The following CCSER1 variants were observed in gnomAD, a reference collection of about 807,000 sequenced individuals.
The protein encoded by CCSER1 is coiled-coil serine rich protein 1.
CCSER1 carries 41 observed loss-of-function variants against 82.0 expected under a neutral mutation model. The ratio of observed to expected loss-of-function variants is 0.50; its 90% CI spans 0.39 to 0.65. The LOEUF is 0.65. Ranked by LOEUF, CCSER1 falls within the 30% of genes least tolerant of loss-of-function variation. CCSER1 has a pLI of 0.00. For synonymous variants in CCSER1, 414 were observed against 383.9 expected, an observed-to-expected ratio of 1.08 and a Z score of -0.92; for missense variants, 1,119 against 1,064.2, an observed-to-expected ratio of 1.05 and a Z score of -0.72.
intron 5 of CCSER1, among the ~76,000 whole-genome samples, chr4:90,539,286 T>C (rs892137449): frequency 1.3e-5 from 2 of 151,942 alleles, no homozygotes; most frequent in African/African-American, 4.8e-5. Context: ...TGAAAATGTT[T>C]AAGAACCCCT....
chr4:90,301,034 A>G (rs1232622758), intron 1 of CCSER1, among the ~76,000 whole-genome samples: 1 of 151,746 alleles, frequency 6.6e-6, no homozygotes, highest in Non-Finnish European at 1.5e-5. Context: ...GGTTCTCCCT[A>G]TGTTGCTCAG....
chr4:90,749,799 ATATACCCAGTAATGGGATGG>A (rs1748258247), intron 7 of CCSER1, among the ~76,000 whole-genome samples: 1 of 151,910 alleles, frequency 6.6e-6, no homozygotes, highest in African/African-American at 2.4e-5. Context: ...TCCTTTGGGT[ATATACCCAGTAATGGGATGG>A]CTGGGTCAAA....
chr4:91,163,554 G>A (rs1731679433), intron 10 of CCSER1, among the ~76,000 whole-genome samples: 1 of 152,160 alleles, frequency 6.6e-6, no homozygotes, highest in Admixed American at 6.5e-5. Flanking sequence ...CATTATTATT[G>A]TTTGGGAGTC....
At chr4:90,942,258 A>G (rs1731684055) in intron 9 of CCSER1, among the ~76,000 whole-genome samples, 1 of 152,088 alleles carries the variant, frequency 6.6e-6, no homozygotes, top group South Asian at 2.1e-4. Flanking sequence ...CAGCTGGGAA[A>G]TATCCTGTCT....
chr4:90,197,195 G>A (rs2153401689), intron 1 of CCSER1, among the ~76,000 whole-genome samples: 1 of 152,208 alleles, frequency 6.6e-6, no homozygotes, highest in African/African-American at 2.4e-5. Context: ...GGATACAGAT[G>A]ACTAGCCAGA....
At chr4:90,532,778 A>C (rs1200413927) in intron 5 of CCSER1, among the ~76,000 whole-genome samples, 2 of 152,152 alleles carry the variant, frequency 1.3e-5, no homozygotes, top group Admixed American at 1.3e-4. Context: ...ATATTTTTGT[A>C]GCTTTATATC....
chr4:91,093,867 G>C (rs1724228302), intron 10 of CCSER1, among the ~76,000 whole-genome samples: 1 of 152,182 alleles, frequency 6.6e-6, no homozygotes, highest in African/African-American at 2.4e-5. Flanking sequence ...GGTTTGGCTA[G>C]CACTGCAAAG....
chr4:90,813,972 C>T (rs987894774), intron 7 of CCSER1, among the ~76,000 whole-genome samples: 1 of 152,188 alleles, frequency 6.6e-6, no homozygotes, highest in Non-Finnish European at 1.5e-5. Flanking sequence ...CAGAGGTTCT[C>T]CTTAAGGGCT....
intron 3 of CCSER1, among the ~76,000 whole-genome samples, chr4:90,330,249 G>T (rs1221557447): frequency 6.6e-6 from 1 of 152,088 alleles, no homozygotes; most frequent in Non-Finnish European, 1.5e-5. Context: ...AACTATCAGG[G>T]ATTAGAACTA....
chr4:90,551,678 TTCTCTCTC>T (rs71596530), intron 5 of CCSER1, among the ~76,000 whole-genome samples: 2 of 88,570 alleles, frequency 2.3e-5, no homozygotes, highest in African/African-American at 4.8e-5. Flanking sequence ...AAAAATATAA[TTCTCTCTC>T]TCTCTCTCTC....
chr4:90,342,219 G>A (rs1266818083), intron 3 of CCSER1, among the ~76,000 whole-genome samples: 1 of 152,190 alleles, frequency 6.6e-6, no homozygotes, highest in Non-Finnish European at 1.5e-5. Flanking sequence ...GAAAGATAAT[G>A]TTGAACTGAG....
rs1269514794 is a variant in CCSER1 at position 91,013,281 on chromosome 4, A to T, written c.2173-72669A>T. On this transcript the variant is annotated intron_variant, in intron 9 of 10. Coordinates refer to ENST00000509176, the MANE Select transcript of CCSER1 (RefSeq NM_001145065.2). ...ATAAGGGTCCAATTTTTTCTTTTGT[A>T]TGTAAATATTTAGTTTTCCAGACAC... Among the ~76,000 whole-genome samples the T allele has an allele frequency of 3.0e-5, 4 of 133,138 alleles. 1 individual carries two copies. Among genetic ancestry groups the T allele is most frequent in the African/African-American group, 9.9e-5 (4 of 40,250 alleles). The allele number at this position is 133,138 out of a possible 152,430, so 87.3% of individuals were successfully genotyped here.
intron 1 of CCSER1, among the ~76,000 whole-genome samples, chr4:90,286,278 T>A (rs952282810): frequency 1.3e-5 from 2 of 151,974 alleles, no homozygotes; most frequent in Non-Finnish European, 2.9e-5. Context: ...CTTTTTTTCA[T>A]TGGGAGACTT....
chr4:90,408,595 A>G, intron 4 of CCSER1, among the ~76,000 whole-genome samples: 1 of 152,222 alleles, frequency 6.6e-6, no homozygotes, highest in African/African-American at 2.4e-5. Flanking sequence ...AGGAAAACTA[A>G]CCAACAGAAA....
chr4:91,102,376 G>T (rs554728582), intron 10 of CCSER1, among the ~76,000 whole-genome samples: 2 of 152,262 alleles, frequency 1.3e-5, no homozygotes, highest in African/African-American at 4.8e-5. Context: ...TTGTAGCTTC[G>T]TACAGCAAGG....
intron 10 of CCSER1, among the ~76,000 whole-genome samples, chr4:91,253,463 G>A (rs75526168): frequency 0.02 from 3,005 of 152,062 alleles, 99 homozygotes; most frequent in African/African-American, 0.066. Flanking sequence ...TGCACTGTTC[G>A]TGGGTAAAAT....
At chr4:90,641,190 A>C (rs886415577) in intron 6 of CCSER1, among the ~76,000 whole-genome samples, 1 of 152,174 alleles carries the variant, frequency 6.6e-6, no homozygotes, top group Non-Finnish European at 1.5e-5. Context: ...CCCACAAAAA[A>C]TATTTTGAGT....
chr4:90,436,988 T>A (rs1242483955), intron 4 of CCSER1, among the ~76,000 whole-genome samples: 1 of 151,794 alleles, frequency 6.6e-6, no homozygotes, highest in East Asian at 1.9e-4. Flanking sequence ...GCCTGGCTAA[T>A]TTTTTTGTAT....
At chr4:90,757,430 G>A (rs1749712842) in intron 7 of CCSER1, among the ~76,000 whole-genome samples, 1 of 152,158 alleles carries the variant, frequency 6.6e-6, no homozygotes, top group Non-Finnish European at 1.5e-5. Flanking sequence ...TGATTTATAA[G>A]GTCAGATAAA....
Sources: gnomAD v4.1 joint callset for allele counts (sites outside exome capture counted in the v4.1 genomes callset) on GRCh38, gnomAD v4.1.1 for gene constraint, MANE v1.5 for transcripts, NCBI Gene and HGNC (gene_info 2026-07-23, HGNC 2026-07-21) for gene names.